Variants in FOXJ3 observed in about 807,000 individuals in gnomAD.
FOXJ3 encodes the protein forkhead box J3.
A neutral mutation model predicts 76.1 loss-of-function variants in FOXJ3; 22 were observed. That is an observed-to-expected ratio of 0.29 (90% CI 0.21 to 0.41). FOXJ3 has a LOEUF of 0.41. Ranked by LOEUF, FOXJ3 falls within the 10% of genes least tolerant of loss-of-function variation. The pLI, the probability that FOXJ3 is intolerant of heterozygous loss-of-function variation, is 1.00. For missense variants in FOXJ3, 613 were observed against 762.1 expected, an observed-to-expected ratio of 0.80 and a Z score of 2.30; for synonymous variants, 269 against 261.2, an observed-to-expected ratio of 1.03 and a Z score of -0.29.
intron 9 of FOXJ3, among the ~76,000 whole-genome samples, chr1:42,190,788 C>G (rs150367361): frequency 6.6e-6 from 1 of 152,124 alleles, no homozygotes; most frequent in East Asian, 1.9e-4. Context: ...AAATAGTGAC[C>G]TGGCAAATAA....
intron 3 of FOXJ3, among the ~76,000 whole-genome samples, chr1:42,276,208 T>C (rs1050257339): frequency 6.6e-6 from 1 of 151,768 alleles, no homozygotes; most frequent in Admixed American, 6.6e-5. Flanking sequence ...ATATAAAAAT[T>C]AGCCAGGCAC....
At chr1:42,258,412 A>G (rs921082086) in intron 4 of FOXJ3, among the ~76,000 whole-genome samples, 1 of 152,214 alleles carries the variant, frequency 6.6e-6, no homozygotes, top group African/African-American at 2.4e-5. Context: ...AGTTAAGAAT[A>G]GCACCACTTT....
rs532038921 is a variant in FOXJ3, at chr1:42,252,203, A to G, written c.444+12912T>C. ...GAATAGTTTCAGAAGGAATGGTACC[A>G]GTTCCTCCTTGTATCTCTGGTAGAA... On this transcript the variant is annotated intron_variant, in intron 4 of 12. Transcript: ENST00000361346. Among the ~76,000 whole-genome samples, 101 of 152,320 alleles carry G rather than the reference A, an allele frequency of 6.6e-4. 1 individual carries two copies. The highest frequency in any genetic ancestry group is 1.8e-4 in the Non-Finnish European group (12 of 68,024).
intron 4 of FOXJ3, among the ~76,000 whole-genome samples, chr1:42,241,432 T>C (rs1259317167): frequency 6.6e-6 from 1 of 152,168 alleles, no homozygotes; most frequent in African/African-American, 2.4e-5. Context: ...CCAAAGCTAG[T>C]GCCCAAGTAC....
upstream of FOXJ3, chr1:42,335,765 G>C (rs1004593995): frequency 6.6e-6 from 1 of 151,658 alleles, no homozygotes; most frequent in African/African-American, 2.4e-5. Flanking sequence ...ATGAGTCCCA[G>C]GTGCTAGACT....
Position 42,188,828 on chromosome 1 carries a change from T to G in FOXJ3, c.1554A>C (p.Gln518His). The G allele has an allele frequency of 6.2e-7, 1 of 1,613,540 alleles. No individual in the cohort carries two copies. The highest frequency in any genetic ancestry group is 8.5e-7 in the Non-Finnish European group (1 of 1,179,574). Reference sequence around the variant, plus strand: ...TACTCTGTGAATGTATAAGGCCAGTTTGTGTAAAGAACTGATTAAGAGAAG... The same window carrying G: ...TACTCTGTGAATGTATAAGGCCAGTGTGTGTAAAGAACTGATTAAGAGAAG... Reference protein sequence around the residue: ...LCSSLNQFFTQTGLIHSQSNV... With the variant: ...LCSSLNQFFTHTGLIHSQSNV... The change falls in exon 11 of 13, where the codon CAA becomes CAC. Residue 518 changes from glutamine to histidine, a missense_variant. Physicochemically the swap from Gln to His is conservative, Grantham distance 24. Around this residue, in one of 3 missense-constraint regions of FOXJ3, gnomAD observed 526 missense variants for 601.4 expected, o/e 0.87. Coordinates refer to ENST00000361346, the MANE Select transcript of FOXJ3 (RefSeq NM_014947.5).
intron 5 of FOXJ3, among the ~76,000 whole-genome samples, chr1:42,219,319 G>C (rs751995182): frequency 5.9e-5 from 9 of 152,220 alleles, no homozygotes; most frequent in South Asian, 2.1e-4. Context: ...ATTGACTGTC[G>C]TGGTATCGCT....
At position 42,194,987 on chromosome 1, in the gene FOXJ3, G is replaced by A; in HGVS notation, c.837C>T (p.Asp279=). 6.2e-7 allele frequency: 1 copy of A among 1,612,202 alleles called. No homozygotes were observed. The highest frequency in any genetic ancestry group is 8.5e-7 in the Non-Finnish European group (1 of 1,178,502). ...QQPQYNLPER[D]KQLLFSEYNF... is the part of the protein sequence containing the mutation. ...TATATTCTGAGAAAAGTAGTTGCTTGTCTCTTTCTGGAAGGTTGTACTGTG... is the reference window on the plus strand; with the variant it reads ...TATATTCTGAGAAAAGTAGTTGCTTATCTCTTTCTGGAAGGTTGTACTGTG... The change falls in exon 8 of 13, where the codon GAC becomes GAT. Residue 279 remains aspartate, a synonymous_variant. Coordinates refer to ENST00000361346, the MANE Select transcript of FOXJ3 (RefSeq NM_014947.5).
chr1:42,251,839 C>T (rs1338830308), intron 4 of FOXJ3, among the ~76,000 whole-genome samples: 6 of 151,252 alleles, frequency 4.0e-5, no homozygotes, highest in African/African-American at 4.9e-5. Flanking sequence ...CTGCCTCAGC[C>T]TCCCCTGTAG....
chr1:42,252,458 T>A (rs1454394760), intron 4 of FOXJ3, among the ~76,000 whole-genome samples: 2 of 152,202 alleles, frequency 1.3e-5, no homozygotes, highest in Non-Finnish European at 2.9e-5. Context: ...TTCTGTGGGA[T>A]CAGTGGTGAT....
intron 2 of FOXJ3, among the ~76,000 whole-genome samples, chr1:42,308,004 CT>C (rs1428038529): frequency 6.6e-6 from 1 of 152,166 alleles, no homozygotes; most frequent in East Asian, 1.9e-4. Flanking sequence ...TTTTAATTCA[CT>C]TACTAACTAC....
chr1:42,226,967 A>G (rs1647619325), intron 5 of FOXJ3, among the ~76,000 whole-genome samples: 2 of 152,208 alleles, frequency 1.3e-5, no homozygotes, highest in South Asian at 4.1e-4. Context: ...CTTTGCCCTG[A>G]TTCATGCTGC....
intron 2 of FOXJ3, among the ~76,000 whole-genome samples, chr1:42,298,918 A>C (rs6689712): frequency 0.012 from 1,895 of 152,240 alleles, 35 homozygotes; most frequent in African/African-American, 0.043. Context: ...ATTCAGGAGC[A>C]TGTTGTTTAG....
At chr1:42,205,675 A>G (rs1036172194) in intron 6 of FOXJ3, 87 bp downstream of exon 6, 3 of 773,076 alleles carry the variant, frequency 3.9e-6, no homozygotes, top group African/African-American at 3.5e-5. Context: ...TTTAAACTGA[A>G]CCATATAGGA....
intron 4 of FOXJ3, among the ~76,000 whole-genome samples, chr1:42,259,663 C>T (rs1260481676): frequency 6.6e-6 from 1 of 152,102 alleles, no homozygotes; most frequent in Non-Finnish European, 1.5e-5. Flanking sequence ...GCTTTCTAAC[C>T]TTGGTTTGTC....
In FOXJ3 at chr1:42,280,349, C is replaced by T. The variant is rs562158042; in HGVS notation, c.45-1677G>A. ...TATGTTGATCCATAATTTTACCTTA[C>T]TCATTTTCTCAAATTCCCTCCATCT... is the stretch of plus-strand genomic sequence containing the variant. On this transcript the variant is annotated intron_variant, in intron 2 of 12. Coordinates refer to ENST00000361346, the MANE Select transcript of FOXJ3 (RefSeq NM_014947.5). 154 of 974,224 alleles carry T rather than the reference C, an allele frequency of 1.6e-4. 1 individual carries two copies. The South Asian group carries it at 6.3e-3, about 40-fold the overall frequency. 60.3% of individuals were successfully genotyped at this position (974,224 alleles called of 1,614,324 possible).
In FOXJ3 at chr1:42,176,765, T is replaced by G. The variant is rs990166058; in HGVS notation, c.*2945A>C. 9 of 152,654 alleles carry G rather than the reference T, an allele frequency of 5.9e-5. No individual in the cohort carries two copies. Among genetic ancestry groups the G allele is most frequent in the African/African-American group, 2.2e-4 (9 of 41,450 alleles). The allele number at this position is 152,654 out of a possible 1,614,324, so 9.5% of individuals were successfully genotyped here. A position where few individuals can be genotyped will look rare whatever the true frequency, so the allele number is the denominator to read the frequency against. ...CAACAGCAGTACAGAGAGCAGGTTG[T>G]ATCTGCACAAAAAGCCAATGCATTT... is the stretch of plus-strand genomic sequence containing the variant. On this transcript the variant is annotated 3_prime_UTR_variant, in exon 13 of 13. Coordinates refer to ENST00000361346, the MANE Select transcript of FOXJ3 (RefSeq NM_014947.5).
intron 3 of FOXJ3, among the ~76,000 whole-genome samples, chr1:42,265,805 A>G (rs1014174044): frequency 6.6e-6 from 1 of 152,198 alleles, no homozygotes; most frequent in African/African-American, 2.4e-5. Context: ...AACCACATGG[A>G]AAGATACTGG....
chr1:42,257,582 T>C (rs547168430), intron 4 of FOXJ3, among the ~76,000 whole-genome samples: 1 of 151,644 alleles, frequency 6.6e-6, no homozygotes, highest in Non-Finnish European at 1.5e-5. Context: ...AAATACAAAA[T>C]ACAAAAATTA....
Sources: allele counts gnomAD v4.1 joint callset (sites outside exome capture counted in the v4.1 genomes callset), GRCh38; gene constraint gnomAD v4.1.1; regional missense constraint gnomAD v4.1.1; transcripts MANE v1.5; gene names NCBI Gene and HGNC (gene_info 2026-07-23, HGNC 2026-07-21).